MSRA: variants seen among roughly 807,000 people sequenced by gnomAD.
MSRA encodes the protein mitochondrial peptide methionine sulfoxide reductase.
MSRA carries 54 observed loss-of-function variants against 31.3 expected under a neutral mutation model. The observed-to-expected ratio is 1.73, with a 90% confidence interval of 1.39 to 2.17. The LOEUF (loss-of-function observed/expected upper bound fraction) is 2.17. MSRA is among the 30% of genes most tolerant of loss of function. MSRA has a pLI of 0.00. For synonymous variants in MSRA, 169 were observed against 116.5 expected (o/e 1.45, Z -2.90); for missense variants, 507 against 300.9 (o/e 1.69, Z -5.07).
intron 1 of MSRA, among the ~76,000 whole-genome samples, chr8:10,191,387 A>C (rs1302640835): frequency 6.6e-6 from 1 of 152,184 alleles, no homozygotes; most frequent in Non-Finnish European, 1.5e-5. Flanking sequence ...CTCCCTGGGA[A>C]TTTTGGAAAA....
chr8:10,096,198 G>A (rs1393752698), intron 1 of MSRA: 57 of 1,252,262 alleles, frequency 4.6e-5, no homozygotes, highest in Non-Finnish European at 4.8e-5. Flanking sequence ...TAAAGCAACA[G>A]CTTTTATTTC....
intron 5 of MSRA, among the ~76,000 whole-genome samples, chr8:10,397,735 C>T (rs1220228357): frequency 3.3e-5 from 5 of 152,150 alleles, no homozygotes; most frequent in African/African-American, 7.2e-5. Context: ...AAATATTTTG[C>T]GTGGAACATG....
intron 1 of MSRA, among the ~76,000 whole-genome samples, chr8:10,081,347 C>G (rs1196930845): frequency 6.6e-6 from 1 of 152,192 alleles, no homozygotes; most frequent in African/African-American, 2.4e-5. Context: ...TAGTTCGTTA[C>G]CATGGGAACG....
In MSRA at chr8:10,428,861, T is replaced by G. The variant is rs898357727; in HGVS notation, c.*549T>G. ...CTTAGAGCTATGAGAAATGTTTGTT[T>G]TAATAAAAACCTACAGTCCAATAAT... is the stretch of plus-strand genomic sequence containing the variant. On this transcript the variant is annotated 3_prime_UTR_variant, in exon 6 of 6. Transcript: ENST00000317173. 6.5e-6 allele frequency: 1 copy of G among 152,922 alleles called. No individual in the cohort carries two copies. Among genetic ancestry groups the G allele is most frequent in the East Asian group, 1.9e-4 (1 of 5,208 alleles). The allele number at this position is 152,922 out of a possible 1,614,324, so 9.5% of individuals were successfully genotyped here. A position where few individuals can be genotyped will look rare whatever the true frequency, so the allele number is the denominator to read the frequency against.
At chr8:10,267,365 C>T (rs1726833995) in intron 3 of MSRA, among the ~76,000 whole-genome samples, 1 of 152,064 alleles carries the variant, frequency 6.6e-6, no homozygotes, top group Non-Finnish European at 1.5e-5. Context: ...GAGAGCAACT[C>T]GTGGAGGGAA....
intron 1 of MSRA, among the ~76,000 whole-genome samples, chr8:10,057,610 G>A (rs769308812): frequency 1.7e-4 from 26 of 152,188 alleles, no homozygotes; most frequent in Non-Finnish European, 3.1e-4. Flanking sequence ...GGGGCCTGGT[G>A]AGAGGTGATT....
chr8:10,111,838 C>A (rs994887958), intron 1 of MSRA, among the ~76,000 whole-genome samples: 1 of 152,132 alleles, frequency 6.6e-6, no homozygotes, highest in Non-Finnish European at 1.5e-5. Flanking sequence ...TCATGTAGGT[C>A]TCACACAACT....
intron 1 of MSRA, among the ~76,000 whole-genome samples, chr8:10,073,354 AAGTTTT>A (rs1204139166): frequency 6.6e-6 from 1 of 152,150 alleles, no homozygotes; most frequent in East Asian, 1.9e-4. Flanking sequence ...TGTTTAAATA[AAGTTTT>A]ATTGGAACAC....
intron 1 of MSRA, chr8:10,058,986 A>AT (rs1380646772): frequency 2.0e-5 from 3 of 152,216 alleles, no homozygotes; most frequent in Admixed American, 6.5e-5. Flanking sequence ...ATAGATTATT[A>AT]TTTTACATTG....
At chr8:10,223,841 G>T (rs749030894) in intron 2 of MSRA, among the ~76,000 whole-genome samples, 2 of 152,066 alleles carry the variant, frequency 1.3e-5, no homozygotes, top group Non-Finnish European at 1.5e-5. Context: ...AAAACGTGAA[G>T]ACCCATCTTA....
At chr8:10,307,958 C>G (rs1325947601) in intron 4 of MSRA, among the ~76,000 whole-genome samples, 7 of 152,218 alleles carry the variant, frequency 4.6e-5, no homozygotes, top group Non-Finnish European at 8.8e-5. Flanking sequence ...TGACAGCGTG[C>G]AGCTTCTGGG....
At chr8:10,149,675 A>G (rs1803489590) in intron 1 of MSRA, among the ~76,000 whole-genome samples, 1 of 151,912 alleles carries the variant, frequency 6.6e-6, no homozygotes, top group Non-Finnish European at 1.5e-5. Context: ...CAGGCTGTCC[A>G]TTTGTAGTGG....
intron 1 of MSRA, among the ~76,000 whole-genome samples, chr8:10,204,531 G>C (rs530131581): frequency 6.6e-5 from 10 of 152,228 alleles, no homozygotes; most frequent in African/African-American, 2.4e-4. Context: ...ATTCAGTATA[G>C]TCACATGCTG....
intron 5 of MSRA, among the ~76,000 whole-genome samples, chr8:10,324,241 A>G (rs1451260544): frequency 6.6e-6 from 1 of 152,144 alleles, no homozygotes; most frequent in East Asian, 1.9e-4. Flanking sequence ...CTTTTAATTA[A>G]TTTACATTTA....
At chr8:10,243,019 C>G (rs1797418444) in intron 2 of MSRA, among the ~76,000 whole-genome samples, 2 of 152,164 alleles carry the variant, frequency 1.3e-5, no homozygotes, top group Non-Finnish European at 2.9e-5. Flanking sequence ...GATTAAATAT[C>G]TCTCTACTTG....
At chr8:10,425,331 A>T (rs1414747320) in intron 5 of MSRA, among the ~76,000 whole-genome samples, 2 of 152,090 alleles carry the variant, frequency 1.3e-5, no homozygotes, top group African/African-American at 4.8e-5. Context: ...GGTTTTTCTT[A>T]GTGAAGTGTC....
At chr8:10,274,673 C>G (rs898659284) in intron 3 of MSRA, among the ~76,000 whole-genome samples, 3 of 152,278 alleles carry the variant, frequency 2.0e-5, no homozygotes, top group Admixed American at 6.5e-5. Context: ...ATCCATCTCT[C>G]TACCCATCCA....
chr8:10,249,070 C>A (rs1797780156), intron 3 of MSRA, among the ~76,000 whole-genome samples: 1 of 152,220 alleles, frequency 6.6e-6, no homozygotes, highest in African/African-American at 2.4e-5. Context: ...GAGGTCCTGG[C>A]CACTCTCTTG....
intron 1 of MSRA, among the ~76,000 whole-genome samples, chr8:10,185,385 G>A (rs114773709): frequency 1.4e-3 from 211 of 152,282 alleles, no homozygotes; most frequent in African/African-American, 4.7e-3. Context: ...TAAGCATTGT[G>A]GGTAGGGGCA....
Sources: allele counts gnomAD v4.1 joint callset (sites outside exome capture counted in the v4.1 genomes callset), GRCh38; gene constraint gnomAD v4.1.1; transcripts MANE v1.5; gene names NCBI Gene and HGNC (gene_info 2026-07-23, HGNC 2026-07-21).